Variants in OR52N4 observed in about 807,000 individuals in gnomAD.
OR52N4 encodes olfactory receptor family 52 subfamily N member 4.
Under a neutral mutation model 15.0 loss-of-function variants are expected in OR52N4, and 15 were observed. The ratio of observed to expected loss-of-function variants is 1.00; its 90% CI spans 0.67 to 1.54. The LOEUF (loss-of-function observed/expected upper bound fraction) is 1.54, where lower values mean the gene tolerates loss of function less well. OR52N4 is among the 40% of genes most tolerant of loss of function. The pLI is 0.00. For missense variants in OR52N4, 421 were observed against 394.0 expected, an observed-to-expected ratio of 1.07 and a Z score of -0.58; for synonymous variants, 143 against 143.7, an observed-to-expected ratio of 1.00 and a Z score of 0.03.
chr11:5,739,724 T>C, the OR52N4 span, among the ~76,000 whole-genome samples: 1 of 128,222 alleles, frequency 7.8e-6, no homozygotes, highest in Non-Finnish European at 1.7e-5. Context: ...GGGAACCTGA[T>C]ATAAGTAGCA....
the OR52N4 span, among the ~76,000 whole-genome samples, chr11:5,729,575 T>C: frequency 1.3e-5 from 2 of 152,232 alleles, no homozygotes; most frequent in South Asian, 4.1e-4. Flanking sequence ...CATGGGTTTC[T>C]ATACTTTGTA....
upstream of OR52N4, among the ~76,000 whole-genome samples, chr11:5,752,741 A>C (rs1433093985): frequency 4.6e-5 from 7 of 152,188 alleles, no homozygotes; most frequent in Non-Finnish European, 4.4e-5. Flanking sequence ...TCACAACCAA[A>C]TCAAGTAAGG....
chr11:5,737,756 T>C, the OR52N4 span: 1 of 312,410 alleles, frequency 3.2e-6, no homozygotes, highest in East Asian at 5.7e-5. Context: ...TTGATATCTA[T>C]CTCTTAAAAT....
the OR52N4 span, chr11:5,737,605 T>A: frequency 1.1e-6 from 1 of 910,140 alleles, no homozygotes; most frequent in East Asian, 2.5e-5. Context: ...TATATTTGTA[T>A]GTAAATAATT....
the OR52N4 span, chr11:5,736,490 A>G: frequency 3.7e-6 from 6 of 1,607,866 alleles, no homozygotes; most frequent in Non-Finnish European, 5.1e-6. Flanking sequence ...AACAATACAA[A>G]TAGAGATTTG....
In OR52N4 at chr11:5,755,429, TCTC is replaced by T; in HGVS notation, c.693_695del (p.Ser232del). Reference sequence around the variant, plus strand: ...ATGATTCTCCGGGCAGTGGTCAGCCTCTCCTCAGCAGATGCTCGGCAGAAGGCC... The same window carrying T: ...ATGATTCTCCGGGCAGTGGTCAGCCTCTCAGCAGATGCTCGGCAGAAGGCC... On this transcript the variant is annotated inframe_deletion, in exon 2 of 2. Transcript: ENST00000641350. 1 of 1,614,060 alleles carries T rather than the reference TCTC, an allele frequency of 6.2e-7. No individual in the cohort carries two copies. The highest frequency in any genetic ancestry group is 1.1e-5 in the South Asian group (1 of 91,080).
chr11:5,728,444 T>C, the OR52N4 span, among the ~76,000 whole-genome samples: 1 of 152,250 alleles, frequency 6.6e-6, no homozygotes, highest in Non-Finnish European at 1.5e-5. Flanking sequence ...AACCAGTTAC[T>C]GTACATACTG....
chr11:5,755,452 A>C lies in OR52N4; in HGVS notation c.712A>C (p.Lys238Gln). ...VSLSSADARQ[K>Q]AFNTCTAHIC... ...CCTCTCCTCAGCAGATGCTCGGCAG[A>C]AGGCCTTTAATACCTGCACTGCCCA... The change falls in exon 2 of 2, where the codon AAG (lysine) becomes CAG (glutamine). Residue 238 changes from lysine (K) to glutamine (Q), a missense_variant. Coordinates refer to ENST00000641350, the MANE Select transcript of OR52N4 (RefSeq NM_001005175.5). 11 of 1,614,074 alleles carry C rather than the reference A, an allele frequency of 6.8e-6. No individual in the cohort carries two copies. The highest frequency in any genetic ancestry group is 9.3e-6 in the Non-Finnish European group (11 of 1,179,984).
chr11:5,750,685 AATAGTG>A (rs1019917518), upstream of OR52N4, among the ~76,000 whole-genome samples: 4 of 151,508 alleles, frequency 2.6e-5, no homozygotes, highest in East Asian at 7.7e-4. Context: ...TGAAAAATAT[AATAGTG>A]ACTACAAATA....
chr11:5,737,230 C>G, the OR52N4 span: 1 of 1,614,122 alleles, frequency 6.2e-7, no homozygotes, highest in South Asian at 1.1e-5. Flanking sequence ...TTAGACTGAA[C>G]TCAGCTGAAG....
the OR52N4 span, chr11:5,736,692 G>T: frequency 5.0e-6 from 8 of 1,613,818 alleles, no homozygotes; most frequent in South Asian, 6.6e-5. Context: ...ATCATCATCT[G>T]GCAGAACCCT....
the OR52N4 span, chr11:5,734,378 GGGCCTTTCC>G: frequency 3.3e-6 from 1 of 299,946 alleles, no homozygotes; most frequent in African/African-American, 2.3e-5. Flanking sequence ...GAGGATTAGA[GGGCCTTTCC>G]AAAAAAGGTT....
chr11:5,736,802 T>A, the OR52N4 span: 1 of 1,613,910 alleles, frequency 6.2e-7, no homozygotes, highest in East Asian at 2.2e-5. Flanking sequence ...CATCTTCTGG[T>A]TTGATGCCAA....
the OR52N4 span, among the ~76,000 whole-genome samples, chr11:5,735,393 G>A: frequency 6.6e-6 from 1 of 151,970 alleles, no homozygotes; most frequent in Admixed American, 6.6e-5. Context: ...ATAAATAAAG[G>A]ATTGTAATAA....
Position 5,755,156 on chromosome 11 carries a change from C to T in OR52N4, c.416C>T (p.Thr139Ile). ...CCCTTACGCTATTCAACTATCCTCA[C>T]CAATCCTGTAATTGCAAAGGTTGGG... The part of the protein sequence containing the change: ...CYPLRYSTIL[T>I]NPVIAKVGTA... Residue 139 changes from threonine to isoleucine, a missense_variant, in exon 2 of 2, where the codon ACC (threonine) becomes ATC (isoleucine). Transcript: ENST00000641350. The T allele has an allele frequency of 6.2e-7, 1 of 1,614,110 alleles. No individual in the cohort carries two copies. Among genetic ancestry groups the T allele is most frequent in the Non-Finnish European group, 8.5e-7 (1 of 1,179,996 alleles).
the OR52N4 span, chr11:5,726,731 G>A: frequency 6.5e-6 from 1 of 153,084 alleles, no homozygotes; most frequent in Non-Finnish European, 1.5e-5. Context: ...GGCTGCCTCT[G>A]TCTCCACAGT....
chr11:5,730,495 G>C, the OR52N4 span, among the ~76,000 whole-genome samples: 1 of 152,114 alleles, frequency 6.6e-6, no homozygotes, highest in Middle Eastern at 3.4e-3. Flanking sequence ...CCGGCCAGCA[G>C]TAACCATTTT....
At chr11:5,733,227 A>G in the OR52N4 span, among the ~76,000 whole-genome samples, 4 of 152,140 alleles carry the variant, frequency 2.6e-5, no homozygotes, top group African/African-American at 9.7e-5. Context: ...TCTGACCACT[A>G]TGACCTCAAC....
the OR52N4 span, among the ~76,000 whole-genome samples, chr11:5,747,077 CAAAAAAAAAAAAAAAAAAAAA>C: frequency 5.4e-4 from 31 of 57,266 alleles, no homozygotes; most frequent in African/African-American, 2.2e-3. Flanking sequence ...GTAAAAATAC[CAAAAAAAAAAAAAAAAAAAAA>C]AAAAAAATAT....
Sources: allele counts gnomAD v4.1 joint callset (sites outside exome capture counted in the v4.1 genomes callset), GRCh38; gene constraint gnomAD v4.1.1; transcripts MANE v1.5; gene names NCBI Gene and HGNC (gene_info 2026-07-23, HGNC 2026-07-21).